The following EPHA3 variants were observed in gnomAD, a reference collection of about 807,000 sequenced individuals.
The protein encoded by EPHA3 is ephrin type-A receptor 3.
A neutral mutation model predicts 107.1 loss-of-function variants in EPHA3; 42 were observed. The ratio of observed to expected loss-of-function variants is 0.39; its 90% CI spans 0.31 to 0.51. EPHA3 has a LOEUF of 0.51. EPHA3 is among the 20% of genes least tolerant of loss of function. The pLI is 0.78. For synonymous variants in EPHA3, 461 were observed against 424.8 expected (o/e 1.09, Z -1.05); for missense variants, 1,183 against 1,211.2 (o/e 0.98, Z 0.35).
chr3:89,400,045 T>C (rs1708926972), intron 7 of EPHA3: 2 of 1,033,238 alleles, frequency 1.9e-6, no homozygotes, highest in African/African-American at 1.7e-5. Flanking sequence ...TTCCAGTAAC[T>C]TTTCTTTTTT....
intron 5 of EPHA3, among the ~76,000 whole-genome samples, chr3:89,378,124 C>G: frequency 6.6e-6 from 1 of 151,768 alleles, no homozygotes. Context: ...GGGTGGGGGA[C>G]TAGGGGAGGG....
At chr3:89,405,805 A>C (rs1057238608) in intron 7 of EPHA3, among the ~76,000 whole-genome samples, 1 of 152,192 alleles carries the variant, frequency 6.6e-6, no homozygotes, top group Admixed American at 6.5e-5. Context: ...AGCATAAAAG[A>C]GGCTGTTCCA....
intron 3 of EPHA3, among the ~76,000 whole-genome samples, chr3:89,261,113 G>T (rs1241086481): frequency 6.6e-6 from 1 of 152,210 alleles, no homozygotes; most frequent in Non-Finnish European, 1.5e-5. Context: ...GAGGAAGCCA[G>T]TTATGGTATT....
intron 5 of EPHA3, among the ~76,000 whole-genome samples, chr3:89,361,220 C>A (rs1158955787): frequency 6.6e-6 from 1 of 150,918 alleles, no homozygotes; most frequent in East Asian, 1.9e-4. Flanking sequence ...GTATCCTTTG[C>A]CTTTCTTTGG....
intron 2 of EPHA3, among the ~76,000 whole-genome samples, chr3:89,200,404 G>C (rs1705942758): frequency 6.6e-6 from 1 of 152,170 alleles, no homozygotes; most frequent in Admixed American, 6.5e-5. Context: ...TAAGAAAAAA[G>C]AGCATCTCTT....
chr3:89,350,773 G>A (rs1439250015), intron 5 of EPHA3, among the ~76,000 whole-genome samples: 1 of 150,940 alleles, frequency 6.6e-6, no homozygotes, highest in Non-Finnish European at 1.5e-5. Context: ...CTTTGATGAT[G>A]GTGATGTACA....
intron 13 of EPHA3, among the ~76,000 whole-genome samples, chr3:89,432,498 G>A (rs557750918): frequency 1.4e-4 from 22 of 152,000 alleles, no homozygotes; most frequent in Non-Finnish European, 2.6e-4. Context: ...TGATTCTCCC[G>A]GGCTCAAGTG....
At chr3:89,304,470 C>A (rs117351473) in intron 3 of EPHA3, among the ~76,000 whole-genome samples, 19 of 151,914 alleles carry the variant, frequency 1.3e-4, no homozygotes, top group Middle Eastern at 3.4e-3. Context: ...TCCTACCACT[C>A]GAGGCACACT....
chr3:89,311,485 C>T (rs950466133), intron 3 of EPHA3, among the ~76,000 whole-genome samples: 6 of 152,032 alleles, frequency 3.9e-5, no homozygotes, highest in Admixed American at 3.9e-4. Context: ...TAAAATTCTG[C>T]ATTTTGTTTC....
rs1160467712 is a variant in EPHA3, at chr3:89,481,957, C to A, written c.*2455C>A. The A allele has an allele frequency of 1.3e-5, 3 of 225,682 alleles. No individual in the cohort carries two copies. The Admixed American group carries it at 1.7e-4, about 13-fold the overall frequency. 14.0% of individuals were successfully genotyped at this position (225,682 alleles called of 1,614,324 possible). ...TATGCTGTGCTAAATATCAATCAAG[C>A]CATGTATAAATGTGATATGATTGGC... On this transcript the variant is annotated 3_prime_UTR_variant, in exon 17 of 17. Coordinates refer to ENST00000336596, the MANE Select transcript of EPHA3 (RefSeq NM_005233.6).
intron 3 of EPHA3, among the ~76,000 whole-genome samples, chr3:89,251,979 A>G (rs2107264577): frequency 6.6e-6 from 1 of 152,256 alleles, no homozygotes; most frequent in African/African-American, 2.4e-5. Context: ...GCATGGATAA[A>G]AGTAATTATG....
chr3:89,415,012 T>C (rs575546660), intron 10 of EPHA3, among the ~76,000 whole-genome samples: 2 of 151,732 alleles, frequency 1.3e-5, no homozygotes, highest in Admixed American at 6.6e-5. Context: ...ACTGTACTTA[T>C]TTGCAAATAG....
At chr3:89,443,429 G>A (rs1420777340) in intron 13 of EPHA3, among the ~76,000 whole-genome samples, 2 of 152,038 alleles carry the variant, frequency 1.3e-5, no homozygotes, top group Non-Finnish European at 2.9e-5. Flanking sequence ...TTAAATAGTA[G>A]CATAAGAAAA....
intron 3 of EPHA3, among the ~76,000 whole-genome samples, chr3:89,224,010 A>C (rs1170517672): frequency 3.9e-5 from 6 of 152,162 alleles, no homozygotes; most frequent in African/African-American, 1.4e-4. Flanking sequence ...GTGAATAATG[A>C]TGATTATTTT....
At chr3:89,127,929 T>G (rs747799739) in intron 2 of EPHA3, among the ~76,000 whole-genome samples, 1 of 152,068 alleles carries the variant, frequency 6.6e-6, no homozygotes, top group Non-Finnish European at 1.5e-5. Context: ...TGGGAGAACA[T>G]TTTTCTTTTA....
At chr3:89,377,813 C>G (rs116254413) in intron 5 of EPHA3, among the ~76,000 whole-genome samples, 2,396 of 151,990 alleles carry the variant, frequency 0.016, 63 homozygotes, top group African/African-American at 0.055. Context: ...CTTTATAATG[C>G]TTATATAATA....
chr3:89,467,168 T>G (rs1209875227), intron 15 of EPHA3, among the ~76,000 whole-genome samples: 1 of 152,138 alleles, frequency 6.6e-6, no homozygotes, highest in Non-Finnish European at 1.5e-5. Context: ...TTGGCAAATA[T>G]AAGATTTTCC....
At chr3:89,452,396 C>G (rs1710010991) in intron 15 of EPHA3, among the ~76,000 whole-genome samples, 1 of 152,106 alleles carries the variant, frequency 6.6e-6, no homozygotes, top group Non-Finnish European at 1.5e-5. Context: ...GCCATCCTAA[C>G]AAGTGTGAGG....
chr3:89,338,571 C>T (rs1455876795), intron 3 of EPHA3, among the ~76,000 whole-genome samples: 6 of 152,300 alleles, frequency 3.9e-5, no homozygotes, highest in South Asian at 2.1e-4. Context: ...TTTGTTGAGA[C>T]GGAGTCTCGC....
Sources: allele counts gnomAD v4.1 joint callset (sites outside exome capture counted in the v4.1 genomes callset), GRCh38; gene constraint gnomAD v4.1.1; transcripts MANE v1.5; gene names NCBI Gene and HGNC (gene_info 2026-07-23, HGNC 2026-07-21).